The following DIAPH3 variants were observed in gnomAD, a reference collection of about 807,000 sequenced individuals.
The protein encoded by DIAPH3 is diaphanous related formin 3, also known as protein diaphanous homolog 3.
DIAPH3 carries 117 observed loss-of-function variants against 144.3 expected under a neutral mutation model. That is an observed-to-expected ratio of 0.81 (90% confidence interval 0.70 to 0.95). The LOEUF is 0.95. Ranked by LOEUF, DIAPH3 falls within the 40% of genes least tolerant of loss-of-function variation. The pLI is 0.00. For synonymous variants in DIAPH3, 519 were observed against 488.9 expected (o/e 1.06, Z -0.81); for missense variants, 1,421 against 1,412.7 (o/e 1.01, Z -0.09).
intron 4 of DIAPH3, among the ~76,000 whole-genome samples, chr13:60,044,810 T>A (rs1380900387): frequency 6.6e-6 from 1 of 152,136 alleles, no homozygotes; most frequent in Non-Finnish European, 1.5e-5. Flanking sequence ...TTGGGAGGGA[T>A]CCAGTAGGAG....
intron 25 of DIAPH3, among the ~76,000 whole-genome samples, chr13:59,786,290 A>C (rs1168186916): frequency 1.3e-5 from 2 of 152,206 alleles, no homozygotes; most frequent in Admixed American, 6.5e-5. Context: ...GATTATAGAG[A>C]TGATATTTAT....
intron 17 of DIAPH3, among the ~76,000 whole-genome samples, chr13:59,949,407 C>T (rs756441037): frequency 1.4e-4 from 22 of 152,136 alleles, no homozygotes; most frequent in Non-Finnish European, 2.9e-4. Context: ...TATCTCTAGT[C>T]CTACTTGTGA....
At chr13:60,016,031 G>T in intron 6 of DIAPH3, 40 bp downstream of exon 6, 1 of 1,609,258 alleles carries the variant, frequency 6.2e-7, no homozygotes, top group South Asian at 1.1e-5. Context: ...TTGGACATAT[G>T]AATGATGCTT....
intron 4 of DIAPH3, among the ~76,000 whole-genome samples, chr13:60,077,944 T>C (rs1370506468): frequency 6.6e-6 from 1 of 152,108 alleles, no homozygotes; most frequent in Non-Finnish European, 1.5e-5. Flanking sequence ...AAGAGTCTTC[T>C]TAAGAATAAT....
At chr13:59,808,797 A>G (rs978771105) in intron 25 of DIAPH3, among the ~76,000 whole-genome samples, 1 of 152,202 alleles carries the variant, frequency 6.6e-6, no homozygotes. Context: ...ACTGAATTGC[A>G]TATTTACTAG....
In DIAPH3 at chr13:59,860,895, A is replaced by T. The variant is rs1280299727; in HGVS notation, c.2737+512T>A. Among the ~76,000 whole-genome samples the T allele has an allele frequency of 3.3e-5, 5 of 152,186 alleles. No homozygotes were observed. In the East Asian group the frequency reaches 9.6e-4, roughly 29 times the overall value. ...TAAGCCCACAATTGAGACTAGAATC[A>T]GGTTAGAAATTTGGGCATTAGGAAA... On this transcript the variant is annotated intron_variant, in intron 22 of 27. Transcript: ENST00000400324.
At chr13:59,775,169 G>C (rs576617176) in intron 25 of DIAPH3, among the ~76,000 whole-genome samples, 2 of 152,294 alleles carry the variant, frequency 1.3e-5, no homozygotes, top group East Asian at 3.9e-4. Flanking sequence ...TTCCTTTGTA[G>C]AGATGAGCTA....
chr13:60,094,459 G>A (rs1298789650), intron 3 of DIAPH3, among the ~76,000 whole-genome samples: 4 of 152,136 alleles, frequency 2.6e-5, no homozygotes, highest in African/African-American at 7.2e-5. Flanking sequence ...TCTTAATTAA[G>A]CTCCTGAAGT....
chr13:60,040,304 C>T (rs1411583422), intron 5 of DIAPH3, among the ~76,000 whole-genome samples: 2 of 143,292 alleles, frequency 1.4e-5, no homozygotes, highest in African/African-American at 5.1e-5. Context: ...AGAAAAAATT[C>T]TCCAATGATA....
At chr13:60,088,952 T>C (rs1184998759) in intron 4 of DIAPH3, among the ~76,000 whole-genome samples, 1 of 152,146 alleles carries the variant, frequency 6.6e-6, no homozygotes, top group Non-Finnish European at 1.5e-5. Context: ...CCCTCTGTAA[T>C]TGATAGAGAA....
At position 59,666,540 on chromosome 13, in the gene DIAPH3, G is replaced by C. The variant is rs758149326; in HGVS notation, c.*44C>G. Reference sequence around the variant, plus strand: ...TTCAAGTGTTATAGTTTAGAGCATGGCTTTATATTTGGCTTAATCATTTTT... The same window carrying C: ...TTCAAGTGTTATAGTTTAGAGCATGCCTTTATATTTGGCTTAATCATTTTT... On this transcript the variant is annotated 3_prime_UTR_variant, in exon 28 of 28. Transcript: ENST00000400324. The C allele has an allele frequency of 1.2e-6, 2 of 1,611,152 alleles. No individual in the cohort carries two copies. Among genetic ancestry groups the C allele is most frequent in the South Asian group, 2.2e-5 (2 of 90,484 alleles).
chr13:59,898,455 G>GT (rs559670154), intron 20 of DIAPH3, among the ~76,000 whole-genome samples: 5 of 151,972 alleles, frequency 3.3e-5, no homozygotes, highest in East Asian at 1.9e-4. Context: ...CTAAGACAAA[G>GT]TTTTTTTTAA....
chr13:59,696,862 CAGAA>C (rs1294276630), intron 27 of DIAPH3, among the ~76,000 whole-genome samples: 4 of 151,906 alleles, frequency 2.6e-5, no homozygotes, highest in Non-Finnish European at 4.4e-5. Flanking sequence ...CTTCTGCTTG[CAGAA>C]AGAAAGTAAA....
At chr13:59,773,725 C>T (rs1226186004) in intron 27 of DIAPH3, among the ~76,000 whole-genome samples, 1 of 151,678 alleles carries the variant, frequency 6.6e-6, no homozygotes, top group Non-Finnish European at 1.5e-5. Flanking sequence ...CATCCTTCCA[C>T]AATAATACCA....
intron 17 of DIAPH3, among the ~76,000 whole-genome samples, chr13:59,944,399 T>C (rs1379556795): frequency 6.6e-6 from 1 of 152,176 alleles, no homozygotes; most frequent in African/African-American, 2.4e-5. Flanking sequence ...AATATAAATA[T>C]ATGCATTTGT....
At chr13:59,767,696 T>C (rs2037926459) in intron 27 of DIAPH3, among the ~76,000 whole-genome samples, 1 of 152,174 alleles carries the variant, frequency 6.6e-6, no homozygotes, top group Non-Finnish European at 1.5e-5. Flanking sequence ...ATATTAATCA[T>C]AACAACCATT....
At chr13:60,130,839 G>A (rs1234337955) in intron 2 of DIAPH3, among the ~76,000 whole-genome samples, 3 of 152,146 alleles carry the variant, frequency 2.0e-5, no homozygotes, top group Non-Finnish European at 4.4e-5. Flanking sequence ...AAGGCCAGTT[G>A]CAAGGATAAA....
intron 9 of DIAPH3, among the ~76,000 whole-genome samples, chr13:60,000,631 T>C (rs955971006): frequency 1.3e-5 from 2 of 152,184 alleles, no homozygotes; most frequent in African/African-American, 4.8e-5. Flanking sequence ...GATTTAAGTA[T>C]ATATTTTAAG....
intron 4 of DIAPH3, among the ~76,000 whole-genome samples, chr13:60,087,489 C>T (rs2057786010): frequency 6.6e-6 from 1 of 152,144 alleles, no homozygotes; most frequent in African/African-American, 2.4e-5. Context: ...TCAATTTAGA[C>T]TCAGTTGTTT....
Sources: allele counts gnomAD v4.1 joint callset (sites outside exome capture counted in the v4.1 genomes callset), GRCh38; gene constraint gnomAD v4.1.1; transcripts MANE v1.5; gene names NCBI Gene and HGNC (gene_info 2026-07-23, HGNC 2026-07-21).